NTN4: variants seen among roughly 807,000 people sequenced by gnomAD.
NTN4 encodes netrin 4.
A neutral mutation model predicts 73.6 loss-of-function variants in NTN4; 32 were observed. The ratio of observed to expected loss-of-function variants is 0.44; its 90% confidence interval spans 0.33 to 0.58. NTN4 has a LOEUF of 0.58. Ranked by LOEUF, NTN4 falls within the 20% of genes least tolerant of loss-of-function variation. The probability of loss-of-function intolerance (pLI) is 0.04; values close to 1 mark genes in which losing one functional copy is unlikely to be tolerated. For missense variants in NTN4, 654 were observed against 798.3 expected (o/e 0.82, Z 2.18); for synonymous variants, 258 against 287.5 (o/e 0.90, Z 1.04).
chr12:95,767,278 A>C (rs1233886472), intron 2 of NTN4, among the ~76,000 whole-genome samples: 2 of 152,124 alleles, frequency 1.3e-5, no homozygotes, highest in Non-Finnish European at 2.9e-5. Context: ...CCTTTAAGAG[A>C]CAACAATTTA....
chr12:95,729,307 G>A (rs1392997622), intron 3 of NTN4, among the ~76,000 whole-genome samples: 1 of 151,492 alleles, frequency 6.6e-6, no homozygotes, highest in African/African-American at 2.4e-5. Flanking sequence ...CTTGGTTTTT[G>A]AAACCATAAT....
At chr12:95,763,627 G>A (rs1027924054) in intron 2 of NTN4, among the ~76,000 whole-genome samples, 12 of 152,150 alleles carry the variant, frequency 7.9e-5, no homozygotes, top group Non-Finnish European at 1.5e-5. Context: ...TCTGTAACTC[G>A]TAAGCACATG....
At chr12:95,776,829 C>T (rs967388525) in intron 2 of NTN4, among the ~76,000 whole-genome samples, 21 of 152,020 alleles carry the variant, frequency 1.4e-4, no homozygotes, top group Non-Finnish European at 5.9e-5. Context: ...AGATACTCCT[C>T]GAGAAGAGCA....
intron 2 of NTN4, among the ~76,000 whole-genome samples, chr12:95,783,732 C>G (rs1029440264): frequency 1.3e-5 from 2 of 152,130 alleles, no homozygotes; most frequent in African/African-American, 2.4e-5. Flanking sequence ...ATCTCATCTC[C>G]CAGGAAGGAG....
rs1268474850 is a variant in NTN4, at chr12:95,732,224, C to CTCTTTCTTTCTTTCTCTG, written c.864+5624_864+5641dup. ...AGAGCTTTCTTTTCTCTCCCTTTCT[C>CTCTTTCTTTCTTTCTCTG]TCTTTCTTTCTTTCTCTGTCTTTCT... On this transcript the variant is annotated intron_variant, in intron 3 of 9. Transcript: ENST00000343702. Among the ~76,000 whole-genome samples the CTCTTTCTTTCTTTCTCTG allele has an allele frequency of 2.1e-5, 3 of 142,112 alleles. No individual in the cohort carries two copies. The East Asian group carries it at 5.9e-4, about 28-fold the overall frequency. 93.2% of individuals were successfully genotyped at this position (142,112 alleles called of 152,430 possible).
chr12:95,770,599 C>T (rs2121269551), intron 2 of NTN4, among the ~76,000 whole-genome samples: 1 of 152,274 alleles, frequency 6.6e-6, no homozygotes, highest in Middle Eastern at 3.4e-3. Flanking sequence ...CCTCAAGGGC[C>T]TCAGAAGGGC....
intron 8 of NTN4, among the ~76,000 whole-genome samples, chr12:95,668,599 TG>T (rs2078201274): frequency 6.6e-6 from 1 of 152,224 alleles, no homozygotes. Context: ...TTAGAGACAA[TG>T]TTATCCAGAA....
intron 7 of NTN4, chr12:95,672,387 G>A (rs1475354845): frequency 1.3e-5 from 12 of 924,970 alleles, no homozygotes; most frequent in East Asian, 4.8e-5. Context: ...GTACGACTCC[G>A]ACCTGAGCCC....
intron 3 of NTN4, among the ~76,000 whole-genome samples, chr12:95,719,933 G>T (rs1052432982): frequency 6.6e-6 from 1 of 152,120 alleles, no homozygotes; most frequent in Non-Finnish European, 1.5e-5. Context: ...CTTATTCTTT[G>T]TCTATACTTG....
chr12:95,772,513 T>C (rs776445820), intron 2 of NTN4, among the ~76,000 whole-genome samples: 1 of 152,176 alleles, frequency 6.6e-6, no homozygotes, highest in Non-Finnish European at 1.5e-5. Context: ...CCAGCCAGCT[T>C]TTCTGAACTC....
rs1391694981 is a variant in NTN4, at chr12:95,787,339, C to A, written c.185G>T (p.Cys62Phe). The A allele has an allele frequency of 6.2e-7, 1 of 1,614,188 alleles. No homozygotes were observed. The highest frequency in any genetic ancestry group is 2.2e-5 in the East Asian group (1 of 44,886). Residue 62 changes from cysteine to phenylalanine, a missense_variant, in exon 2 of 10, where the codon TGC becomes TTC. By Grantham distance (205) the Cys-to-Phe change is radical. Transcript: ENST00000343702. Reference sequence around the variant, plus strand: ...CAGATCCGTGTTCTCACTGTAGAAGCAGTACAGTTCGGTAGCATTCTGACC... The same window carrying A: ...CAGATCCGTGTTCTCACTGTAGAAGAAGTACAGTTCGGTAGCATTCTGACC... ...TCGQNATELYCFYSENTDLTC... is the reference protein window; with the variant it reads ...TCGQNATELYFFYSENTDLTC...
chr12:95,703,167 T>G (rs1462082968), intron 5 of NTN4, among the ~76,000 whole-genome samples: 1 of 152,070 alleles, frequency 6.6e-6, no homozygotes, highest in Non-Finnish European at 1.5e-5. Context: ...CAGTTCTAAC[T>G]TTTGAGAAGA....
At chr12:95,759,212 C>G (rs1368421686) in intron 2 of NTN4, among the ~76,000 whole-genome samples, 1 of 152,042 alleles carries the variant, frequency 6.6e-6, no homozygotes, top group South Asian at 2.1e-4. Context: ...GTTTACTGAG[C>G]TTCTTAGATC....
rs113111642 is a variant in NTN4 at position 95,683,568 on chromosome 12, C to T, written c.1324G>A (p.Gly442Arg). The T allele has an allele frequency of 2.6e-4, 423 of 1,614,218 alleles. No homozygotes were observed. The African/African-American group carries it at 3.9e-3, about 15-fold the overall frequency. The change falls in exon 6 of 10, where the codon GGA (glycine) becomes AGA (arginine). Residue 442 changes from glycine (G) to arginine (R), a missense_variant. Physicochemically the swap from Gly to Arg is moderately radical, Grantham distance 125. Transcript: ENST00000343702. ...DRCMVGYWGF[G>R]DYGCRPCDCA... ...TCACATGGTCGACAGCCATAGTCTC[C>T]GAAGCCCCAGTATCCCACCATGCAC...
At chr12:95,744,859 TTA>T (rs2078850650) in intron 2 of NTN4, among the ~76,000 whole-genome samples, 1 of 151,752 alleles carries the variant, frequency 6.6e-6, no homozygotes, top group Non-Finnish European at 1.5e-5. Context: ...TTTGGCTTCT[TTA>T]TGTCTGAAAA....
chr12:95,729,713 T>C (rs2078724532), intron 3 of NTN4, among the ~76,000 whole-genome samples: 5 of 149,618 alleles, frequency 3.3e-5, no homozygotes, highest in Admixed American at 2.7e-4. Context: ...AAATTTCCCT[T>C]GCAAGGGAGA....
chr12:95,751,041 C>T lies in NTN4; in HGVS notation c.586-12897G>A, dbSNP rs1427932085. ...TAAAAACCCAGCCCAGTTCATGGCTCGTTTGGCAGCAACCCTGAGACGCTT... is the reference window on the plus strand; with the variant it reads ...TAAAAACCCAGCCCAGTTCATGGCTTGTTTGGCAGCAACCCTGAGACGCTT... On this transcript the variant is annotated intron_variant, in intron 2 of 9. Transcript: ENST00000343702. Among the ~76,000 whole-genome samples, 6 of 151,884 alleles carry T rather than the reference C, an allele frequency of 4.0e-5. No individual in the cohort carries two copies. The East Asian group carries it at 7.7e-4, about 20-fold the overall frequency.
intron 5 of NTN4, 127 bp downstream of exon 5, chr12:95,710,314 C>A: frequency 1.5e-6 from 1 of 664,996 alleles, no homozygotes; most frequent in East Asian, 2.8e-5. Flanking sequence ...AGAAATTAAC[C>A]GATATCTGTG....
At chr12:95,667,247 T>C (rs1364889487) in intron 8 of NTN4, among the ~76,000 whole-genome samples, 1 of 150,412 alleles carries the variant, frequency 6.6e-6, no homozygotes, top group African/African-American at 2.4e-5. Context: ...TGGAGTACAA[T>C]GGTGCGATCT....
Sources: gnomAD v4.1 joint callset for allele counts (sites outside exome capture counted in the v4.1 genomes callset) on GRCh38, gnomAD v4.1.1 for gene constraint, MANE v1.5 for transcripts, NCBI Gene and HGNC (gene_info 2026-07-23, HGNC 2026-07-21) for gene names.